The following APLP1 variants were observed in gnomAD, a reference collection of about 807,000 sequenced individuals.
APLP1 encodes amyloid beta (A4) precursor-like protein 1.
A neutral mutation model predicts 84.5 loss-of-function variants in APLP1; 46 were observed. The observed-to-expected ratio is 0.54, with a 90% CI of 0.43 to 0.70. The LOEUF is 0.70. Among genes scored for constraint, APLP1 ranks in the 30% least tolerant of loss-of-function variants. The pLI is 0.00. For missense variants in APLP1, 826 were observed against 900.2 expected (o/e 0.92, Z 1.05); for synonymous variants, 376 against 364.0 (o/e 1.03, Z -0.38).
chr19:35,872,320 C>T (rs577293562), intron 6 of APLP1, among the ~76,000 whole-genome samples, 163 bp from the exon 7 acceptor site: 60 of 152,212 alleles, frequency 3.9e-4, no homozygotes, highest in African/African-American at 1.4e-3. Flanking sequence ...TTTGCAAGAA[C>T]AGGCCCAGTC....
chr19:35,877,379 C>T lies in APLP1; in HGVS notation c.1445-339C>T, dbSNP rs980277934. Among the ~76,000 whole-genome samples the T allele has an allele frequency of 2.0e-5, 3 of 151,472 alleles. No homozygotes were observed. In the East Asian group the frequency reaches 5.8e-4, roughly 29 times the overall value. ...TGTCGCTTGCCTGTAATCCCAGCTACTTAGGAGGCTGAGGCAAGAGAATTG... is the reference window on the plus strand; with the variant it reads ...TGTCGCTTGCCTGTAATCCCAGCTATTTAGGAGGCTGAGGCAAGAGAATTG... On this transcript the variant is annotated intron_variant, in intron 11 of 16. Transcript: ENST00000221891.
chr19:35,869,889 C>A lies in APLP1; in HGVS notation c.291+79C>A, dbSNP rs1974099312. The A allele has an allele frequency of 3.3e-6, 5 of 1,503,332 alleles. No individual in the cohort carries two copies. In the South Asian group the frequency reaches 4.9e-5, roughly 15 times the overall value. The allele number at this position is 1,503,332 out of a possible 1,614,324, so 93.1% of individuals were successfully genotyped here. A position where few individuals can be genotyped will look rare whatever the true frequency, so the allele number is the denominator to read the frequency against. On this transcript the variant is annotated intron_variant, in intron 2 of 16. Transcript: ENST00000221891. ...AAAAGGCGTGGTCCAGGGTGCTGCG[C>A]GATCTAAGGCGTGGAGGCTGGGGGG...
At position 35,872,636 on chromosome 19, in the gene APLP1, G is replaced by A. The variant is rs763166395; in HGVS notation, c.981+23G>A. 27 of 1,608,388 alleles carry A rather than the reference G, an allele frequency of 1.7e-5. No individual in the cohort carries two copies. In the South Asian group the frequency reaches 2.9e-4, roughly 17 times the overall value. On this transcript the variant is annotated intron_variant, in intron 7 of 16. Coordinates refer to ENST00000221891, the MANE Select transcript of APLP1 (RefSeq NM_001024807.3). ...GAGGTGATAATACTGGGGGCCCCAG[G>A]ACCCCCTACAGTACAGAGCTCCCTA...
rs770526856 is a variant in APLP1 at position 35,877,790 on chromosome 19, A to T, written c.1517A>T (p.Asp506Val). The stretch of plus-strand genomic sequence containing the variant: ...CCTGCCCCTGGGGGCAGCAGCGAGG[A>T]CAAGGGTGGGCTGCAGCCTCCAGAT... Reference protein sequence around the residue: ...EAPAPGGSSEDKGGLQPPDSK... With the variant: ...EAPAPGGSSEVKGGLQPPDSK... The change falls in exon 12 of 17, where the codon GAC (aspartate) becomes GTC (valine). Residue 506 changes from aspartate (D) to valine (V), a missense_variant. Asp to Val is a radical substitution (Grantham distance 152). This residue lies in a region of APLP1 where 433 missense variants were observed against 496.5 expected (regional missense o/e 0.87). Transcript: ENST00000221891. The T allele has an allele frequency of 1.1e-5, 17 of 1,610,836 alleles. No homozygotes were observed. In the Admixed American group the frequency reaches 2.7e-4, roughly 26 times the overall value.
rs772256635 is a variant in APLP1, at chr19:35,871,348, A to G, written c.536A>G (p.Glu179Gly). Residue 179 changes from glutamate to glycine, a missense_variant and splice_region_variant, in exon 4 of 17, where the codon GAG (glutamate) becomes GGG (glycine). By Grantham distance (98) the Glu-to-Gly change is moderately conservative (BLOSUM62 -2). This residue lies in a region of APLP1 where 383 missense variants were observed against 378.3 expected (regional missense o/e 1.01). Coordinates refer to ENST00000221891, the MANE Select transcript of APLP1 (RefSeq NM_001024807.3). ...SSTRRHQEAQ[E>G]ACSSQGLILH... ...ACCCGGAGGCATCAGGAGGCACAGGAGGTCAGGACGTTGGCCCACCCGTCC... is the reference window on the plus strand; with the variant it reads ...ACCCGGAGGCATCAGGAGGCACAGGGGGTCAGGACGTTGGCCCACCCGTCC... 6.2e-7 allele frequency: 1 copy of G among 1,607,128 alleles called. No homozygotes were observed. Among genetic ancestry groups the G allele is most frequent in the South Asian group, 1.1e-5 (1 of 89,748 alleles).
intron 8 of APLP1, among the ~76,000 whole-genome samples, 180 bp downstream of exon 8, chr19:35,873,893 T>G (rs1974218439): frequency 6.6e-6 from 1 of 152,170 alleles, no homozygotes; most frequent in Non-Finnish European, 1.5e-5. Flanking sequence ...GACCTGACAC[T>G]GCTCTCCTCC....
In APLP1 at chr19:35,874,415, C is replaced by A. The variant is rs1403584576; in HGVS notation, c.1057-89C>A. 2.0e-6 allele frequency: 3 copies of A among 1,526,448 alleles called. No individual in the cohort carries two copies. The highest frequency in any genetic ancestry group is 2.3e-5 in the East Asian group (1 of 44,186). The allele number at this position is 1,526,448 out of a possible 1,614,324, so 94.6% of individuals were successfully genotyped here. On this transcript the variant is annotated intron_variant, in intron 8 of 16. Transcript: ENST00000221891. The surrounding 1 kb of genome is among the most constrained non-coding windows in gnomAD (Gnocchi z 6.4). The stretch of plus-strand genomic sequence containing the variant: ...CCTGGACCCCTGGAACGCCCCCCAA[C>A]CCCATGTAGCCCTGCCTTTCCAGGC...
At chr19:35,878,772 G>A in intron 14 of APLP1, 118 bp downstream of exon 14, 1 of 1,532,370 alleles carries the variant, frequency 6.5e-7, no homozygotes, top group Non-Finnish European at 9.0e-7. Context: ...AGAGGGAGCT[G>A]AGGACGTGGA....
intron 8 of APLP1, 123 bp downstream of exon 8, chr19:35,873,836 C>T (rs1482514469): frequency 2.0e-5 from 17 of 871,444 alleles, no homozygotes; most frequent in Admixed American, 4.1e-5. Flanking sequence ...CTCAGCCTTT[C>T]CTGGCCCCAT....
In APLP1 at chr19:35,878,730, T is replaced by G. The variant is rs1974338154; in HGVS notation, c.1650+76T>G. ...ATATGGCTGGGTACGAGGGAGGAGA[T>G]GCTGGGGGCTTGGATTCCTTGTCCT... On this transcript the variant is annotated intron_variant, in intron 14 of 16. Coordinates refer to ENST00000221891, the MANE Select transcript of APLP1 (RefSeq NM_001024807.3). 5.7e-6 allele frequency: 9 copies of G among 1,567,318 alleles called. No individual in the cohort carries two copies. The Admixed American group carries it at 1.5e-4, about 26-fold the overall frequency.
intron 4 of APLP1, 49 bp from the exon 5 acceptor site, chr19:35,871,563 A>AC: frequency 1.2e-6 from 2 of 1,604,954 alleles, no homozygotes; most frequent in Non-Finnish European, 1.7e-6. Context: ...TTCCCCATCT[A>AC]CCCCCTCCCA....
chr19:35,874,564 G>A lies in APLP1; in HGVS notation c.1117G>A (p.Val373Met). 1 of 1,614,182 alleles carries A rather than the reference G, an allele frequency of 6.2e-7. No individual in the cohort carries two copies. Among genetic ancestry groups the A allele is most frequent in the East Asian group, 2.2e-5 (1 of 44,880 alleles). ...EQVSGERQRL[V>M]ETHATRVIAL... The stretch of plus-strand genomic sequence containing the variant: ...GGTGTCTGGTGAGCGACAGCGCCTG[G>A]TGGAAACCCACGCCACCCGCGTCAT... The change falls in exon 9 of 17, where the codon GTG becomes ATG. Residue 373 changes from valine to methionine, a missense_variant. Val to Met is a conservative substitution (Grantham distance 21, BLOSUM62 1). Around this residue, in one of 3 missense-constraint regions of APLP1, gnomAD observed 433 missense variants for 496.5 expected, o/e 0.87. Coordinates refer to ENST00000221891, the MANE Select transcript of APLP1 (RefSeq NM_001024807.3). The surrounding 1 kb of genome is among the most constrained non-coding windows in gnomAD (Gnocchi z 6.4).
intron 11 of APLP1, among the ~76,000 whole-genome samples, chr19:35,877,488 CA>C (rs1249622069): frequency 1.2e-3 from 116 of 92,908 alleles, no homozygotes; most frequent in Middle Eastern, 7.6e-3. Flanking sequence ...GACTCTGTCT[CA>C]AAAAAAAAAA....
At position 35,878,112 on chromosome 19, in the gene APLP1, A is replaced by G; in HGVS notation, c.1579+4A>G. ...ACCCCCATGACCCTTCCAAAAGGTG[A>G]GTGTCTCACAGTTAACCCCAGCCTC... On this transcript the variant is annotated splice_donor_region_variant and intron_variant, in intron 13 of 16. Transcript: ENST00000221891. 3.7e-6 allele frequency: 6 copies of G among 1,612,132 alleles called. No individual in the cohort carries two copies. In the East Asian group the frequency reaches 1.1e-4, roughly 30 times the overall value.
rs376813918 is a variant in APLP1, at chr19:35,871,965, C to T, written c.779C>T (p.Pro260Leu). 1.9e-6 allele frequency: 3 copies of T among 1,614,022 alleles called. No homozygotes were observed. Among genetic ancestry groups the T allele is most frequent in the African/African-American group, 2.7e-5 (2 of 74,904 alleles). Residue 260 changes from proline to leucine, a missense_variant, in exon 6 of 17, where the codon CCT becomes CTT. Physicochemically the swap from Pro to Leu is moderately conservative, Grantham distance 98. Around this residue, in one of 3 missense-constraint regions of APLP1, gnomAD observed 383 missense variants for 378.3 expected, o/e 1.01. Coordinates refer to ENST00000221891, the MANE Select transcript of APLP1 (RefSeq NM_001024807.3). ...PQPVDDYFVE[P>L]PQAEEEEETV... Reference sequence around the variant, plus strand: ...CCAGTAGATGATTACTTCGTGGAGCCTCCGCAGGCTGAAGAGGAAGAGGAA... The same window carrying T: ...CCAGTAGATGATTACTTCGTGGAGCTTCCGCAGGCTGAAGAGGAAGAGGAA...
Position 35,871,738 on chromosome 19 carries a change from G to A in APLP1, c.664G>A (p.Ala222Thr). Reference sequence around the variant, plus strand: ...AGGGACCCCCGACCCATCTGGGACAGCAGTTGGGTGAGTGGGAGGGAACCC... The same window carrying A: ...AGGGACCCCCGACCCATCTGGGACAACAGTTGGGTGAGTGGGAGGGAACCC... ...PPGTPDPSGT[A>T]VGDPSTRSWP... Residue 222 changes from alanine (A) to threonine (T), a missense_variant, in exon 5 of 17, where the codon GCA (alanine) becomes ACA (threonine). By Grantham distance (58) the Ala-to-Thr change is moderately conservative (BLOSUM62 0). Coordinates refer to ENST00000221891, the MANE Select transcript of APLP1 (RefSeq NM_001024807.3). The A allele has an allele frequency of 1.9e-6, 3 of 1,614,100 alleles. No homozygotes were observed. Among genetic ancestry groups the A allele is most frequent in the Non-Finnish European group, 2.5e-6 (3 of 1,180,016 alleles).
In APLP1 at chr19:35,871,010, G is replaced by T; in HGVS notation, c.406G>T (p.Val136Leu). 1 of 1,539,982 alleles carries T rather than the reference G, an allele frequency of 6.5e-7. No individual in the cohort carries two copies. The highest frequency in any genetic ancestry group is 8.7e-7 in the Non-Finnish European group (1 of 1,143,680). ...GSCAHPHHQV[V>L]PFRCLPGEFV... is the part of the protein sequence containing the mutation. ...CTGCGCCCACCCCCACCACCAGGTTGTGCCCTTCCGCTGCCTGCGTGAGTC... is the reference window on the plus strand; with the variant it reads ...CTGCGCCCACCCCCACCACCAGGTTTTGCCCTTCCGCTGCCTGCGTGAGTC... The change falls in exon 3 of 17, where the codon GTG becomes TTG. Residue 136 changes from valine to leucine, a missense_variant. Physicochemically the swap from Val to Leu is conservative, Grantham distance 32. Transcript: ENST00000221891.
In APLP1 at chr19:35,874,811, G is replaced by T. The variant is rs568306221; in HGVS notation, c.1286G>T (p.Arg429Leu). 3.7e-6 allele frequency: 6 copies of T among 1,612,392 alleles called. No individual in the cohort carries two copies. In the African/African-American group the frequency reaches 8.0e-5, roughly 22 times the overall value. The change falls in exon 10 of 17, where the codon CGC becomes CTC. Residue 429 changes from arginine (R) to leucine (L), a missense_variant. This residue lies in a region of APLP1 where 433 missense variants were observed against 496.5 expected (regional missense o/e 0.87). Coordinates refer to ENST00000221891, the MANE Select transcript of APLP1 (RefSeq NM_001024807.3). This position sits in a 1 kb window ranked among gnomAD's most constrained non-coding sequence, Gnocchi z 6.4. The part of the protein sequence containing the change: ...AEQKEQRHTL[R>L]HYQHVAAVDP... ...CAGAAGGAACAGAGGCACACGCTGC[G>T]CCACTACCAGCATGTGGCCGCCGTG...
Position 35,869,950 on chromosome 19 carries a change from A to G in APLP1, c.291+140A>G. On this transcript the variant is annotated intron_variant, in intron 2 of 16. Coordinates refer to ENST00000221891, the MANE Select transcript of APLP1 (RefSeq NM_001024807.3). Reference sequence around the variant, plus strand: ...AAAGAGGCGCAACTATGCTAGGGGCAGGGGACCTGTTTTGAGATACTAAGT... The same window carrying G: ...AAAGAGGCGCAACTATGCTAGGGGCGGGGGACCTGTTTTGAGATACTAAGT... 4.4e-6 allele frequency: 5 copies of G among 1,127,564 alleles called. No homozygotes were observed. The South Asian group carries it at 6.2e-5, about 14-fold the overall frequency. The allele number at this position is 1,127,564 out of a possible 1,614,324, so 69.8% of individuals were successfully genotyped here. A position where few individuals can be genotyped will look rare whatever the true frequency, so the allele number is the denominator to read the frequency against.
Sources: allele counts gnomAD v4.1 joint callset (sites outside exome capture counted in the v4.1 genomes callset), GRCh38; gene constraint gnomAD v4.1.1; regional missense constraint gnomAD v4.1.1; non-coding constraint Gnocchi (gnomAD v3.1); transcripts MANE v1.5; gene names NCBI Gene and HGNC (gene_info 2026-07-23, HGNC 2026-07-21).